Variants in HHAT observed in about 807,000 individuals in gnomAD.
HHAT encodes hedgehog acyltransferase, also known as protein-cysteine N-palmitoyltransferase HHAT.
A neutral mutation model predicts 70.8 loss-of-function variants in HHAT; 47 were observed. The ratio of observed to expected loss-of-function variants is 0.66; its 90% CI spans 0.53 to 0.85. HHAT has a LOEUF of 0.85. HHAT is among the 40% of genes least tolerant of loss of function. HHAT has a pLI of 0.00. For missense variants in HHAT, 609 were observed against 604.8 expected (o/e 1.01, Z -0.07); for synonymous variants, 228 against 247.6 (o/e 0.92, Z 0.74).
At chr1:210,599,100 G>A (rs926245046) in intron 10 of HHAT, among the ~76,000 whole-genome samples, 2 of 152,156 alleles carry the variant, frequency 1.3e-5, no homozygotes, top group Admixed American at 6.5e-5. Context: ...GAACTCCTAT[G>A]GTGACAGAAA....
chr1:210,450,610 T>TTC (rs2093733628), intron 7 of HHAT, among the ~76,000 whole-genome samples: 4 of 148,002 alleles, frequency 2.7e-5, no homozygotes. Flanking sequence ...TGTAAATCTT[T>TTC]TTTTTTTTTT....
chr1:210,587,791 A>G, intron 9 of HHAT, 107 bp from the exon 10 acceptor site: 2 of 822,286 alleles, frequency 2.4e-6, no homozygotes, highest in South Asian at 1.6e-5. Flanking sequence ...GTGAGGAAGG[A>G]TCTGCATATG....
At chr1:210,475,941 C>A (rs2094299549) in intron 8 of HHAT, among the ~76,000 whole-genome samples, 1 of 152,142 alleles carries the variant, frequency 6.6e-6, no homozygotes, top group Non-Finnish European at 1.5e-5. Context: ...TAGATATTAT[C>A]ATCAATGAGA....
intron 9 of HHAT, among the ~76,000 whole-genome samples, chr1:210,538,909 T>G (rs550840506): frequency 4.1e-4 from 62 of 152,272 alleles, no homozygotes; most frequent in Admixed American, 7.8e-4. Context: ...AAACCCCGTC[T>G]CTACCAAAAA....
chr1:210,519,527 C>CTTTTTT (rs35244381), intron 9 of HHAT, among the ~76,000 whole-genome samples: 4 of 127,470 alleles, frequency 3.1e-5, no homozygotes, highest in Non-Finnish European at 3.3e-5. Context: ...ATTTTCTTTG[C>CTTTTTT]TTTTTTTTTT....
rs1553313987 is a variant in HHAT at position 210,340,242 on chromosome 1, G to GGGGGGAAA, written c.-43-8691_-43-8690insGGGGGAAA. On this transcript the variant is annotated intron_variant, in intron 1 of 11. Coordinates refer to ENST00000261458, the MANE Select transcript of HHAT (RefSeq NM_018194.6). ...GGGGATAGAGCAAGACTCTGTCTCA[G>GGGGGGAAA]AAAAAAAAAAAAAAAAAAAAAAAAA... 3.8e-4 allele frequency among the ~76,000 whole-genome samples: 38 copies of GGGGGGAAA among 99,780 alleles called. 2 individuals are homozygous for GGGGGGAAA. The highest frequency in any genetic ancestry group is 1.2e-3 in the African/African-American group (37 of 29,624). 65.5% of individuals were successfully genotyped at this position (99,780 alleles called of 152,430 possible).
intron 10 of HHAT, chr1:210,590,431 G>A (rs998787917): frequency 1.3e-5 from 2 of 151,664 alleles, no homozygotes; most frequent in African/African-American, 4.9e-5. Flanking sequence ...TGTGTATTTT[G>A]GTAGGGGGAT....
chr1:210,611,949 A>T (rs976195467), intron 10 of HHAT, among the ~76,000 whole-genome samples: 5 of 152,090 alleles, frequency 3.3e-5, no homozygotes, highest in Non-Finnish European at 5.9e-5. Flanking sequence ...TTCATCAAGG[A>T]TATTGACCTG....
chr1:210,620,388 A>C (rs544183120), intron 10 of HHAT, among the ~76,000 whole-genome samples: 1 of 152,176 alleles, frequency 6.6e-6, no homozygotes, highest in Non-Finnish European at 1.5e-5. Flanking sequence ...GAATGCAAAG[A>C]GGAGAGATGG....
chr1:210,590,542 C>CAAAAAAAAAAA lies in HHAT; in HGVS notation c.1245+2455_1245+2465dup, dbSNP rs55690211. 17 of 40,596 alleles carry CAAAAAAAAAAA rather than the reference C, an allele frequency of 4.2e-4. 5 individuals are homozygous for CAAAAAAAAAAA. Among genetic ancestry groups the CAAAAAAAAAAA allele is most frequent in the African/African-American group, 5.3e-4 (7 of 13,184 alleles). The allele number at this position is 40,596 out of a possible 1,614,324, so 2.5% of individuals were successfully genotyped here. ...AGAGCTGATGGTGTAAGTTCCAGTC[C>CAAAAAAAAAAA]AAAAAAAAAAAAAAAAAAAAAAGGC... is the stretch of plus-strand genomic sequence containing the variant. On this transcript the variant is annotated intron_variant, in intron 10 of 11. Transcript: ENST00000261458.
intron 6 of HHAT, among the ~76,000 whole-genome samples, chr1:210,408,058 T>C (rs913730508): frequency 5.9e-5 from 9 of 152,196 alleles, no homozygotes; most frequent in African/African-American, 1.9e-4. Flanking sequence ...ACCTTACTTA[T>C]GCCTCAGTCT....
At chr1:210,344,385 G>T (rs1386106176) in intron 1 of HHAT, among the ~76,000 whole-genome samples, 5 of 152,132 alleles carry the variant, frequency 3.3e-5, no homozygotes, top group Admixed American at 3.3e-4. Context: ...ATGTCTGCAG[G>T]GGTTTTCTCT....
At chr1:210,459,885 T>C (rs1364876455) in intron 7 of HHAT, among the ~76,000 whole-genome samples, 2 of 152,220 alleles carry the variant, frequency 1.3e-5, no homozygotes, top group African/African-American at 4.8e-5. Context: ...TAGTTCTTGC[T>C]TGGGATCTCT....
chr1:210,408,257 A>T (rs1042226629), intron 6 of HHAT, among the ~76,000 whole-genome samples: 3 of 152,252 alleles, frequency 2.0e-5, no homozygotes, highest in East Asian at 1.9e-4. Context: ...ACTTTAGCTC[A>T]TCGCAACCTC....
chr1:210,451,208 T>C (rs1402246357), intron 7 of HHAT, among the ~76,000 whole-genome samples: 1 of 151,996 alleles, frequency 6.6e-6, no homozygotes, highest in Non-Finnish European at 1.5e-5. Flanking sequence ...TGGGTCTGGG[T>C]CGCCGCTGAT....
At chr1:210,504,283 T>A (rs4474246) in intron 8 of HHAT, among the ~76,000 whole-genome samples, 11,238 of 152,308 alleles carry the variant, frequency 0.074, 580 homozygotes, top group Non-Finnish European at 0.11. Flanking sequence ...AATACTCTGT[T>A]AGGATTCTTA....
chr1:210,583,887 A>G (rs1317892427), intron 9 of HHAT, among the ~76,000 whole-genome samples: 2 of 150,236 alleles, frequency 1.3e-5, no homozygotes, highest in Admixed American at 6.6e-5. Context: ...ATCAAGTACC[A>G]TTGGTGTGGA....
chr1:210,438,862 G>A (rs1210811800), intron 7 of HHAT, among the ~76,000 whole-genome samples: 1 of 151,954 alleles, frequency 6.6e-6, no homozygotes, highest in Non-Finnish European at 1.5e-5. Flanking sequence ...GCAGCCCTAT[G>A]AGCAGATAGA....
At chr1:210,648,294 G>C (rs1674473186) in intron 11 of HHAT, among the ~76,000 whole-genome samples, 1 of 152,216 alleles carries the variant, frequency 6.6e-6, no homozygotes. Context: ...TTTGCATGGA[G>C]AATCTGTGTA....
Sources: gnomAD v4.1 joint callset for allele counts (sites outside exome capture counted in the v4.1 genomes callset) on GRCh38, gnomAD v4.1.1 for gene constraint, MANE v1.5 for transcripts, NCBI Gene and HGNC (gene_info 2026-07-23, HGNC 2026-07-21) for gene names.